IVNS1ABP: variants seen among roughly 807,000 people sequenced by gnomAD.
IVNS1ABP encodes influenza virus NS1A binding protein.
Under a neutral mutation model 78.9 loss-of-function variants are expected in IVNS1ABP, and 25 were observed. That is an observed-to-expected ratio of 0.32 (90% confidence interval 0.23 to 0.44). IVNS1ABP has a LOEUF of 0.44. Among genes scored for constraint, IVNS1ABP ranks in the 20% least tolerant of loss-of-function variants. IVNS1ABP has a pLI of 1.00. For synonymous variants in IVNS1ABP, 241 were observed against 259.7 expected, an observed-to-expected ratio of 0.93 and a Z score of 0.69; for missense variants, 494 against 768.9, an observed-to-expected ratio of 0.64 and a Z score of 4.23.
chr1:185,299,109 A>G (rs1336202105), intron 14 of IVNS1ABP: 1 of 153,616 alleles, frequency 6.5e-6, no homozygotes, highest in Non-Finnish European at 1.4e-5. Context: ...CTCTAGGCCA[A>G]CAGGCTGTGT....
intron 1 of IVNS1ABP, among the ~76,000 whole-genome samples, chr1:185,315,767 C>T (rs964044498): frequency 6.6e-6 from 1 of 152,166 alleles, no homozygotes; most frequent in African/African-American, 2.4e-5. Flanking sequence ...AAAGCATGGC[C>T]TGTGGCAGTC....
intron 2 of IVNS1ABP, among the ~76,000 whole-genome samples, chr1:185,309,986 GC>G (rs1384295527): frequency 6.6e-6 from 1 of 152,048 alleles, no homozygotes; most frequent in African/African-American, 2.4e-5. Context: ...GTCTTAAAGG[GC>G]CCCCAATTTG....
chr1:185,315,649 A>T (rs994320129), intron 1 of IVNS1ABP, among the ~76,000 whole-genome samples: 2 of 152,086 alleles, frequency 1.3e-5, no homozygotes, highest in Admixed American at 6.5e-5. Context: ...AAATACAACT[A>T]CTCTTTCAGT....
At chr1:185,307,263 A>G in intron 6 of IVNS1ABP, 124 bp from the exon 7 acceptor site, 2 of 1,258,996 alleles carry the variant, frequency 1.6e-6, no homozygotes. Context: ...TCTAATTTGT[A>G]AGGAACCAGG....
At chr1:185,307,367 A>G (rs768513339) in intron 6 of IVNS1ABP, 122 bp downstream of exon 6, 11 of 922,754 alleles carry the variant, frequency 1.2e-5, no homozygotes, top group Non-Finnish European at 1.6e-5. Flanking sequence ...TACGCTGCTA[A>G]GAATAACAAT....
In IVNS1ABP at chr1:185,317,050, A is replaced by G. The variant is rs924907366; in HGVS notation, c.-344T>C. 9 of 398,784 alleles carry G rather than the reference A, an allele frequency of 2.3e-5. No individual in the cohort carries two copies. Among genetic ancestry groups the G allele is most frequent in the African/African-American group, 1.6e-4 (8 of 48,614 alleles). 24.7% of individuals were successfully genotyped at this position (398,784 alleles called of 1,614,324 possible). ...AATCGGCCCAACGGAAAGCGCCAGA[A>G]GGCGGCGGAAGACGGGAGCGGTCAA... is the stretch of plus-strand genomic sequence containing the variant. On this transcript the variant is annotated 5_prime_UTR_variant, in exon 1 of 15. Transcript: ENST00000367498.
chr1:185,298,343 ACT>A lies in IVNS1ABP; in HGVS notation c.1676-57_1676-56del. 1 of 1,499,902 alleles carries A rather than the reference ACT, an allele frequency of 6.7e-7. No homozygotes were observed. The highest frequency in any genetic ancestry group is 9.1e-7 in the Non-Finnish European group (1 of 1,096,512). 92.9% of individuals were successfully genotyped at this position (1,499,902 alleles called of 1,614,324 possible). A position where few individuals can be genotyped will look rare whatever the true frequency, so the allele number is the denominator to read the frequency against. ...AGAGATTAAAGTGTAATAAGGTAAAACTCCCCTAAATCTGTCTTTTGCTTAAA... is the reference window on the plus strand; with the variant it reads ...AGAGATTAAAGTGTAATAAGGTAAAACCCCTAAATCTGTCTTTTGCTTAAA... On this transcript the variant is annotated intron_variant, in intron 14 of 14. Transcript: ENST00000367498. This position sits in a 1 kb window ranked among gnomAD's most constrained non-coding sequence, Gnocchi z 4.1.
At position 185,301,480 on chromosome 1, in the gene IVNS1ABP, T is replaced by C; in HGVS notation, c.849A>G (p.Gln283=). 1.2e-6 allele frequency: 2 copies of C among 1,613,258 alleles called. No homozygotes were observed. The highest frequency in any genetic ancestry group is 8.5e-7 in the Non-Finnish European group (1 of 1,179,392). Residue 283 remains glutamine (Q), a synonymous_variant, in exon 9 of 15, where the codon CAA becomes CAG. Coordinates refer to ENST00000367498, the MANE Select transcript of IVNS1ABP (RefSeq NM_006469.5). ...GCLSSPNATV[Q]SPKHEWKIVA... ...CGATTTTCCACTCATGCTTAGGGCT[T>C]TGTACTGTAGCATTTGGAGAAGAGA... is the stretch of plus-strand genomic sequence containing the variant.
At chr1:185,299,267 A>T (rs918786064) in intron 14 of IVNS1ABP, 1 of 161,874 alleles carries the variant, frequency 6.2e-6, no homozygotes, top group Non-Finnish European at 1.4e-5. Context: ...GTCTACATTT[A>T]AAAAGTTTAA....
intron 8 of IVNS1ABP, among the ~76,000 whole-genome samples, chr1:185,301,908 A>C: frequency 6.6e-6 from 1 of 152,312 alleles, no homozygotes; most frequent in Admixed American, 6.5e-5. Flanking sequence ...GAATGCTATA[A>C]ATTTAAAATA....
Position 185,307,056 on chromosome 1 carries a change from G to A in IVNS1ABP, c.615C>T (p.Ser205=), listed in dbSNP as rs1184320263. Residue 205 remains serine, a synonymous_variant, in exon 7 of 15, where the codon AGC becomes AGT. Transcript: ENST00000367498. ...YTKVINWVQR[S]IWENGDSLEE... ...CCAGACTGTCTCCATTCTCCCAGAT[G>A]CTACGCTGCACCCAGTTGATTACCT... 6.4e-5 allele frequency: 104 copies of A among 1,613,344 alleles called. No homozygotes were observed. The highest frequency in any genetic ancestry group is 1.6e-4 in the Middle Eastern group (1 of 6,080).
At chr1:185,311,347 A>T (rs1665880875) in intron 1 of IVNS1ABP, 25 bp from the exon 2 acceptor site, 1 of 396,860 alleles carries the variant, frequency 2.5e-6, no homozygotes, top group East Asian at 3.6e-5. Context: ...AATTTAAGTT[A>T]GATATTCAGA....
intron 1 of IVNS1ABP, among the ~76,000 whole-genome samples, chr1:185,312,034 C>A (rs1011542641): frequency 2.6e-5 from 4 of 152,154 alleles, no homozygotes; most frequent in African/African-American, 9.7e-5. Flanking sequence ...CTGTCTTGTT[C>A]ATCTTTTGTA....
Position 185,301,508 on chromosome 1 carries a change from C to T in IVNS1ABP, c.821G>A (p.Cys274Tyr). The T allele has an allele frequency of 6.2e-7, 1 of 1,613,154 alleles. No homozygotes were observed. Among genetic ancestry groups the T allele is most frequent in the Non-Finnish European group, 8.5e-7 (1 of 1,179,346 alleles). Reference sequence around the variant, plus strand: ...TACTGTAGCATTTGGAGAAGAGAGACATCCAGTTGAACTGCTACTTATCTG... The same window carrying T: ...TACTGTAGCATTTGGAGAAGAGAGATATCCAGTTGAACTGCTACTTATCTG... ...HKQISSSSTGCLSSPNATVQS... is the reference protein window; with the variant it reads ...HKQISSSSTGYLSSPNATVQS... The change falls in exon 9 of 15, where the codon TGT becomes TAT. Residue 274 changes from cysteine to tyrosine, a missense_variant. Transcript: ENST00000367498.
chr1:185,298,236 C>T lies in IVNS1ABP; in HGVS notation c.1728G>A (p.Val576=). 1 of 1,613,554 alleles carries T rather than the reference C, an allele frequency of 6.2e-7. No individual in the cohort carries two copies. The highest frequency in any genetic ancestry group is 8.5e-7 in the Non-Finnish European group (1 of 1,179,762). ...CATTTCTAGTTGGATCATACATTTC[C>T]ACACAACTGATGGCATGAGAACCAT... The part of the protein sequence containing the change: ...GFDGSHAISC[V]EMYDPTRNEW... The change falls in exon 15 of 15, where the codon GTG becomes GTA. Residue 576 remains valine (V), a synonymous_variant. Transcript: ENST00000367498. This position sits in a 1 kb window ranked among gnomAD's most constrained non-coding sequence, Gnocchi z 4.1.
chr1:185,314,785 GAT>G (rs1156277892), intron 1 of IVNS1ABP, among the ~76,000 whole-genome samples: 1 of 152,102 alleles, frequency 6.6e-6, no homozygotes, highest in African/African-American at 2.4e-5. Flanking sequence ...TCAAAATTAA[GAT>G]ATGTGGCATC....
Position 185,298,213 on chromosome 1 carries a change from T to C in IVNS1ABP, c.1751A>G (p.Asn584Ser), listed in dbSNP as rs201329919. The C allele has an allele frequency of 3.8e-5, 61 of 1,613,656 alleles. No individual in the cohort carries two copies. The highest frequency in any genetic ancestry group is 5.1e-5 in the Non-Finnish European group (60 of 1,179,832). ...CATATTTCCCATCATCTTCCATTCA[T>C]TTCTAGTTGGATCATACATTTCCAC... ...SCVEMYDPTR[N>S]EWKMMGNMTS... Residue 584 changes from asparagine (N) to serine (S), a missense_variant, in exon 15 of 15, where the codon AAT becomes AGT. Transcript: ENST00000367498. This position sits in a 1 kb window ranked among gnomAD's most constrained non-coding sequence, Gnocchi z 4.1.
At chr1:185,312,248 TC>T (rs1665908154) in intron 1 of IVNS1ABP, among the ~76,000 whole-genome samples, 2 of 152,202 alleles carry the variant, frequency 1.3e-5, no homozygotes, top group Non-Finnish European at 2.9e-5. Context: ...CTACCTATTC[TC>T]CCTCCCTCAT....
chr1:185,301,719 C>T (rs1447520651), intron 8 of IVNS1ABP, 156 bp from the exon 9 acceptor site: 23 of 677,038 alleles, frequency 3.4e-5, no homozygotes, highest in Non-Finnish European at 5.1e-5. Context: ...CCAAATGACA[C>T]AAATTACTGG....
Sources: allele counts gnomAD v4.1 joint callset (sites outside exome capture counted in the v4.1 genomes callset), GRCh38; gene constraint gnomAD v4.1.1; non-coding constraint Gnocchi (gnomAD v3.1); transcripts MANE v1.5; gene names NCBI Gene and HGNC (gene_info 2026-07-23, HGNC 2026-07-21).